RBM46: variants seen among roughly 807,000 people sequenced by gnomAD.
RBM46 encodes RNA binding motif protein 46.
RBM46 carries 12 observed loss-of-function variants against 43.3 expected under a neutral mutation model. The ratio of observed to expected loss-of-function variants is 0.28; its 90% confidence interval spans 0.18 to 0.45. The LOEUF (loss-of-function observed/expected upper bound fraction) is 0.45. Ranked by LOEUF, RBM46 falls within the 20% of genes least tolerant of loss-of-function variation. The pLI, the probability that RBM46 is intolerant of heterozygous loss-of-function variation, is 1.00. For synonymous variants in RBM46, 205 were observed against 207.6 expected (o/e 0.99, Z 0.11); for missense variants, 412 against 639.1 (o/e 0.64, Z 3.83).
At chr4:154,827,611 G>A in intron 4 of RBM46, 1 of 1,231,858 alleles carries the variant, frequency 8.1e-7, no homozygotes, top group Non-Finnish European at 1.0e-6. Flanking sequence ...CCAAGAAATA[G>A]TAGATATCCA....
At chr4:154,816,954 T>C (rs1355141604) in intron 4 of RBM46, among the ~76,000 whole-genome samples, 2 of 152,192 alleles carry the variant, frequency 1.3e-5, no homozygotes, top group Admixed American at 6.5e-5. Flanking sequence ...ATTCTTTTAA[T>C]GCAATAAGTT....
chr4:154,797,018 C>A, intron 2 of RBM46, 115 bp downstream of exon 2: 2 of 714,872 alleles, frequency 2.8e-6, no homozygotes, highest in Non-Finnish European at 4.1e-6. Flanking sequence ...TGCTTTAAGA[C>A]ATTTTTTTTT....
rs184527033 is a variant in RBM46, at chr4:154,828,290, G to T, written c.*223G>T. On this transcript the variant is annotated 3_prime_UTR_variant, in exon 5 of 5. Coordinates refer to ENST00000281722, the MANE Select transcript of RBM46 (RefSeq NM_144979.5). ...TATTCAGTGGTTTCTCTTGATAAAG[G>T]TACAGCAAACTACTATTCTTTTTAA... The T allele has an allele frequency of 1.2e-3, 612 of 507,914 alleles. 6 individuals are homozygous for T. The highest frequency in any genetic ancestry group is 2.7e-4 in the Non-Finnish European group (78 of 286,986). 31.5% of individuals were successfully genotyped at this position (507,914 alleles called of 1,614,324 possible).
Position 154,826,937 on chromosome 4 carries a change from A to C in RBM46, c.1403-931A>C, listed in dbSNP as rs1735995320. On this transcript the variant is annotated intron_variant, in intron 4 of 4. Transcript: ENST00000281722. ...ACCTTACCTGTACATTAGATGACCT[A>C]ATTTCTTTTCTTCCATTCCTAGAAA... 9.2e-6 allele frequency: 12 copies of C among 1,310,592 alleles called. No individual in the cohort carries two copies. In the South Asian group the frequency reaches 3.0e-4, roughly 33 times the overall value. 81.2% of individuals were successfully genotyped at this position (1,310,592 alleles called of 1,614,324 possible).
At chr4:154,790,545 G>A (rs1348907296) in intron 1 of RBM46, 4 of 152,134 alleles carry the variant, frequency 2.6e-5, no homozygotes, top group African/African-American at 9.7e-5. Flanking sequence ...ACATATACCT[G>A]TTTTTCAAAT....
rs564202570 is a variant in RBM46 at position 154,809,983 on chromosome 4, C to T, written c.1402+10419C>T. Reference sequence around the variant, plus strand: ...AAACCATAAAAATGCCAGGGAATTACTAACATTTAAAAGTTACTACTTGGA... The same window carrying T: ...AAACCATAAAAATGCCAGGGAATTATTAACATTTAAAAGTTACTACTTGGA... On this transcript the variant is annotated intron_variant, in intron 4 of 4. Transcript: ENST00000281722. Among the ~76,000 whole-genome samples the T allele has an allele frequency of 1.3e-3, 193 of 152,204 alleles. 1 individual carries two copies. The highest frequency in any genetic ancestry group is 4.4e-3 in the African/African-American group (183 of 41,552).
intron 4 of RBM46, among the ~76,000 whole-genome samples, chr4:154,812,324 C>T (rs923004330): frequency 9.2e-5 from 14 of 152,232 alleles, no homozygotes; most frequent in African/African-American, 2.9e-4. Context: ...GACCCCACTC[C>T]ATTGTAATGT....
chr4:154,814,428 A>G (rs1182895839), intron 4 of RBM46, among the ~76,000 whole-genome samples: 2 of 152,056 alleles, frequency 1.3e-5, no homozygotes, highest in Admixed American at 1.3e-4. Flanking sequence ...GTAAGTAGCA[A>G]CCTTGCATTT....
intron 4 of RBM46, among the ~76,000 whole-genome samples, chr4:154,818,670 T>A (rs1735580705): frequency 6.9e-6 from 1 of 145,158 alleles, no homozygotes; most frequent in Admixed American, 6.9e-5. Context: ...AATACTGCAT[T>A]TGTTCATTTT....
At chr4:154,784,336 T>A (rs1476601131) in intron 1 of RBM46, among the ~76,000 whole-genome samples, 1 of 152,244 alleles carries the variant, frequency 6.6e-6, no homozygotes, top group Non-Finnish European at 1.5e-5. Flanking sequence ...TAAATTGTGC[T>A]TGTCTTTTTT....
At position 154,827,977 on chromosome 4, in the gene RBM46, A is replaced by G; in HGVS notation, c.1512A>G (p.Pro504=). ...LPYTSRPYSY[P]GYPLSPTISL... ...ATACTTCAAGGCCTTATTCTTATCC[A>G]GGCTATCCTTTGTCACCAACAATAT... Residue 504 remains proline, a synonymous_variant, in exon 5 of 5, where the codon CCA becomes CCG. Transcript: ENST00000281722. 1 of 1,613,956 alleles carries G rather than the reference A, an allele frequency of 6.2e-7. No homozygotes were observed. The highest frequency in any genetic ancestry group is 1.1e-5 in the South Asian group (1 of 91,086).
chr4:154,819,557 C>G (rs73855238), intron 4 of RBM46, among the ~76,000 whole-genome samples: 6,736 of 152,174 alleles, frequency 0.044, 478 homozygotes, highest in African/African-American at 0.15. Flanking sequence ...TTAATAATTT[C>G]TTACATTTTC....
intron 1 of RBM46, among the ~76,000 whole-genome samples, chr4:154,785,163 AT>A (rs1733697556): frequency 6.6e-6 from 1 of 152,064 alleles, no homozygotes; most frequent in Non-Finnish European, 1.5e-5. Context: ...TCAAGCTTTC[AT>A]AATATTTTGA....
intron 1 of RBM46, among the ~76,000 whole-genome samples, chr4:154,791,276 A>C (rs1187135418): frequency 6.6e-6 from 1 of 152,220 alleles, no homozygotes; most frequent in Admixed American, 6.5e-5. Context: ...AGGTGTGTTT[A>C]GACATCGAAC....
At chr4:154,790,121 G>C (rs578229537) in intron 1 of RBM46, among the ~76,000 whole-genome samples, 3 of 152,092 alleles carry the variant, frequency 2.0e-5, no homozygotes, top group Admixed American at 6.5e-5. Flanking sequence ...CAAAAAACCA[G>C]CTCCTGGGTT....
In RBM46 at chr4:154,796,667, C is replaced by A. The variant is rs768261507; in HGVS notation, c.-11-75C>A. ...AGCCACAACTGTCTTTGTTTTTCTG[C>A]AACCCAAAGAAATGCCTTATAGATT... is the stretch of plus-strand genomic sequence containing the variant. On this transcript the variant is annotated intron_variant, in intron 1 of 4. Transcript: ENST00000281722. 26 of 1,016,908 alleles carry A rather than the reference C, an allele frequency of 2.6e-5. No homozygotes were observed. In the South Asian group the frequency reaches 4.2e-4, roughly 16 times the overall value. 63.0% of individuals were successfully genotyped at this position (1,016,908 alleles called of 1,614,324 possible).
At chr4:154,800,584 G>C (rs1223907892) in intron 4 of RBM46, among the ~76,000 whole-genome samples, 1 of 152,050 alleles carries the variant, frequency 6.6e-6, no homozygotes, top group Non-Finnish European at 1.5e-5. Flanking sequence ...CCTACTTTCT[G>C]TTTTTTACTG....
chr4:154,801,906 G>C lies in RBM46; in HGVS notation c.1402+2342G>C, dbSNP rs535691690. Among the ~76,000 whole-genome samples, 58 of 152,316 alleles carry C rather than the reference G, an allele frequency of 3.8e-4. 1 individual carries two copies. The highest frequency in any genetic ancestry group is 1.9e-3 in the Admixed American group (29 of 15,304). Reference sequence around the variant, plus strand: ...TTAATTAGTGATCAAGGTAACATCAGTAAATGAAATCCTTAGTGGGCACAT... The same window carrying C: ...TTAATTAGTGATCAAGGTAACATCACTAAATGAAATCCTTAGTGGGCACAT... On this transcript the variant is annotated intron_variant, in intron 4 of 4. Transcript: ENST00000281722.
intron 1 of RBM46, among the ~76,000 whole-genome samples, chr4:154,796,263 T>C (rs944622102): frequency 2.0e-5 from 3 of 152,184 alleles, no homozygotes; most frequent in African/African-American, 7.2e-5. Context: ...TTTCTGGTTG[T>C]GAGAGTTTGG....
Sources: gnomAD v4.1 joint callset for allele counts (sites outside exome capture counted in the v4.1 genomes callset) on GRCh38, gnomAD v4.1.1 for gene constraint, MANE v1.5 for transcripts, NCBI Gene and HGNC (gene_info 2026-07-23, HGNC 2026-07-21) for gene names.